RAMP1: variants seen among roughly 807,000 people sequenced by gnomAD.
The protein encoded by RAMP1 is receptor activity modifying protein 1, also known as receptor activity-modifying protein 1.
A neutral mutation model predicts 8.2 loss-of-function variants in RAMP1; 7 were observed. The observed-to-expected ratio is 0.85, with a 90% CI of 0.49 to 1.60. RAMP1 has a LOEUF of 1.60. Ranked by LOEUF, RAMP1 falls within the 40% of genes most tolerant of loss-of-function variation. The pLI is 0.00. For missense variants in RAMP1, 192 were observed against 202.4 expected, an observed-to-expected ratio of 0.95 and a Z score of 0.31; for synonymous variants, 92 against 84.7, an observed-to-expected ratio of 1.09 and a Z score of -0.47.
rs149996897 is a variant in RAMP1, at chr2:237,879,743, G to A, written c.191+2381G>A. 2.0e-3 allele frequency among the ~76,000 whole-genome samples: 289 copies of A among 146,682 alleles called. 2 individuals carry two copies. The highest frequency in any genetic ancestry group is 3.5e-3 in the Admixed American group (52 of 14,830). On this transcript the variant is annotated intron_variant, in intron 2 of 2. Transcript: ENST00000254661. ...TGTGGCTCACACCTGTGATCCCAAC[G>A]CTTTGGGAGGTCAAGGCGGGTGGAT...
At chr2:237,897,446 A>T (rs992533129) in intron 2 of RAMP1, among the ~76,000 whole-genome samples, 1 of 152,150 alleles carries the variant, frequency 6.6e-6, no homozygotes, top group African/African-American at 2.4e-5. Flanking sequence ...CAGCAGCGAG[A>T]ACACTGAGCC....
At chr2:237,893,439 C>T (rs1008591270) in intron 2 of RAMP1, among the ~76,000 whole-genome samples, 5 of 152,292 alleles carry the variant, frequency 3.3e-5, no homozygotes, top group African/African-American at 1.2e-4. Context: ...TGACATTCCC[C>T]GATAGCTGAG....
At chr2:237,906,717 C>CTT (rs71402734) in intron 2 of RAMP1, among the ~76,000 whole-genome samples, 10,452 of 86,092 alleles carry the variant, frequency 0.12, 907 homozygotes, top group East Asian at 0.15. Context: ...ATATCAACCT[C>CTT]TTTTTTTTTT....
intron 1 of RAMP1, among the ~76,000 whole-genome samples, chr2:237,869,154 G>A (rs1294869247): frequency 6.6e-6 from 1 of 152,196 alleles, no homozygotes; most frequent in Non-Finnish European, 1.5e-5. Context: ...CCCTGGGCAC[G>A]TGTTGCTGCG....
intron 1 of RAMP1, among the ~76,000 whole-genome samples, chr2:237,863,481 A>G (rs73088691): frequency 0.011 from 1,608 of 152,288 alleles, 24 homozygotes; most frequent in African/African-American, 0.037. Context: ...GTTTCTCCTT[A>G]GTGAGGAGGA....
chr2:237,906,267 C>T (rs182637481), intron 2 of RAMP1, among the ~76,000 whole-genome samples: 9 of 152,240 alleles, frequency 5.9e-5, no homozygotes, highest in Admixed American at 2.6e-4. Context: ...CCTACAGGCA[C>T]GGCACACTCT....
rs372588450 is a variant in RAMP1 at position 237,899,904 on chromosome 2, C to G, written c.192-11624C>G. Among the ~76,000 whole-genome samples the G allele has an allele frequency of 2.6e-5, 4 of 152,178 alleles. No homozygotes were observed. The South Asian group carries it at 8.3e-4, about 32-fold the overall frequency. On this transcript the variant is annotated intron_variant, in intron 2 of 2. Transcript: ENST00000254661. The stretch of plus-strand genomic sequence containing the variant: ...ACCAGCCTGAGCAACATAGTGAGAA[C>G]CTGTCTCAATTAAAAAGAAAAAAAA...
intron 1 of RAMP1, among the ~76,000 whole-genome samples, chr2:237,874,356 C>G (rs2062277722): frequency 6.6e-6 from 1 of 152,206 alleles, no homozygotes; most frequent in Non-Finnish European, 1.5e-5. Context: ...TGTTGGAGAC[C>G]CCACCAGAAG....
At position 237,877,485 on chromosome 2, in the gene RAMP1, CCAGTG is replaced by C; in HGVS notation, c.191+124_191+128del. 1 of 1,343,596 alleles carries C rather than the reference CCAGTG, an allele frequency of 7.4e-7. No individual in the cohort carries two copies. The highest frequency in any genetic ancestry group is 1.0e-6 in the Non-Finnish European group (1 of 1,004,366). 83.2% of individuals were successfully genotyped at this position (1,343,596 alleles called of 1,614,324 possible). A position where few individuals can be genotyped will look rare whatever the true frequency, so the allele number is the denominator to read the frequency against. ...TCTAGACCCCGGAAGGGTTCTTCCC[CCAGTG>C]GGGGGGGCCGGGATGAAGACAGAGG... is the stretch of plus-strand genomic sequence containing the variant. On this transcript the variant is annotated intron_variant, in intron 2 of 2. Coordinates refer to ENST00000254661, the MANE Select transcript of RAMP1 (RefSeq NM_005855.4). This position sits in a 1 kb window ranked among gnomAD's most constrained non-coding sequence, Gnocchi z 4.4.
In RAMP1 at chr2:237,880,232, T is replaced by C. The variant is rs73092513; in HGVS notation, c.191+2870T>C. On this transcript the variant is annotated intron_variant, in intron 2 of 2. Transcript: ENST00000254661. Reference sequence around the variant, plus strand: ...AATCAGGTGGCTTTGAGATGGGAGATGCGGGATCATCCCGGGGCCCGGTGC... The same window carrying C: ...AATCAGGTGGCTTTGAGATGGGAGACGCGGGATCATCCCGGGGCCCGGTGC... 2.3e-3 allele frequency among the ~76,000 whole-genome samples: 351 copies of C among 152,250 alleles called. 1 individual carries two copies. The highest frequency in any genetic ancestry group is 7.8e-3 in the African/African-American group (323 of 41,536).
intron 1 of RAMP1, among the ~76,000 whole-genome samples, chr2:237,864,643 G>C (rs1231056790): frequency 6.6e-6 from 1 of 152,228 alleles, no homozygotes. Flanking sequence ...AAGGACAGGG[G>C]TGCAGAGCAG....
intron 1 of RAMP1, among the ~76,000 whole-genome samples, chr2:237,861,510 G>A (rs536294797): frequency 1.3e-5 from 2 of 152,238 alleles, no homozygotes; most frequent in African/African-American, 4.8e-5. Flanking sequence ...ACTTATCTGT[G>A]ACAATTTTAC....
chr2:237,864,130 A>G (rs1352047928), intron 1 of RAMP1, among the ~76,000 whole-genome samples: 1 of 151,952 alleles, frequency 6.6e-6, no homozygotes, highest in Non-Finnish European at 1.5e-5. Context: ...CGGGGGCAGG[A>G]GGGGAGGCAG....
intron 1 of RAMP1, among the ~76,000 whole-genome samples, chr2:237,861,966 C>G (rs924835171): frequency 6.6e-6 from 1 of 152,044 alleles, no homozygotes. Flanking sequence ...GTATAGACAC[C>G]GAAAAGCTGT....
chr2:237,907,537 G>C (rs1035676338), intron 2 of RAMP1, among the ~76,000 whole-genome samples: 2 of 137,540 alleles, frequency 1.5e-5, no homozygotes, highest in Non-Finnish European at 1.6e-5. Context: ...GTTCCAGTTT[G>C]GTTAATTTCT....
chr2:237,902,169 T>C (rs964484866), intron 2 of RAMP1, among the ~76,000 whole-genome samples: 2 of 151,678 alleles, frequency 1.3e-5, no homozygotes, highest in Non-Finnish European at 2.9e-5. Context: ...CGGGGGCTGG[T>C]AAGGGCCCGG....
intron 2 of RAMP1, among the ~76,000 whole-genome samples, chr2:237,901,730 A>T (rs1182645773): frequency 6.6e-6 from 1 of 152,190 alleles, no homozygotes; most frequent in Non-Finnish European, 1.5e-5. Context: ...AGGGTGTGGG[A>T]TGTGGCCTGG....
intron 2 of RAMP1, among the ~76,000 whole-genome samples, chr2:237,895,710 G>A (rs2062535602): frequency 9.2e-6 from 1 of 109,098 alleles, no homozygotes; most frequent in African/African-American, 3.7e-5. Flanking sequence ...TGTACAGAGA[G>A]GGTGAGTATG....
chr2:237,885,608 G>GA (rs2062420000), intron 2 of RAMP1, among the ~76,000 whole-genome samples: 1 of 152,246 alleles, frequency 6.6e-6, no homozygotes, highest in African/African-American at 2.4e-5. Flanking sequence ...ACAGATGGCA[G>GA]TGCCCAGCAC....
Sources: gnomAD v4.1 joint callset for allele counts (sites outside exome capture counted in the v4.1 genomes callset) on GRCh38, gnomAD v4.1.1 for gene constraint, Gnocchi (gnomAD v3.1) non-coding constraint, MANE v1.5 for transcripts, NCBI Gene and HGNC (gene_info 2026-07-23, HGNC 2026-07-21) for gene names.